The following CTNNA3 variants were observed in gnomAD, a reference collection of about 807,000 sequenced individuals.
The protein encoded by CTNNA3 is catenin alpha 3, also known as catenin alpha-3.
CTNNA3 carries 76 observed loss-of-function variants against 95.7 expected under a neutral mutation model. The observed-to-expected ratio is 0.79, with a 90% CI of 0.66 to 0.96. The LOEUF is 0.96. Ranked by LOEUF, CTNNA3 falls within the 40% of genes least tolerant of loss-of-function variation. The pLI, the probability that CTNNA3 is intolerant of heterozygous loss-of-function variation, is 0.00. For synonymous variants in CTNNA3, 431 were observed against 374.4 expected, an observed-to-expected ratio of 1.15 and a Z score of -1.74; for missense variants, 1,191 against 1,089.8, an observed-to-expected ratio of 1.09 and a Z score of -1.31.
intron 10 of CTNNA3, among the ~76,000 whole-genome samples, chr10:66,597,511 C>CATACAT (rs1564557885): frequency 1.4e-5 from 1 of 70,952 alleles, no homozygotes; most frequent in Non-Finnish European, 2.9e-5. Flanking sequence ...TTATTTCATA[C>CATACAT]ATATATATAT....
intron 5 of CTNNA3, among the ~76,000 whole-genome samples, chr10:67,234,126 C>A (rs995519187): frequency 2.0e-5 from 3 of 152,096 alleles, no homozygotes; most frequent in Admixed American, 6.5e-5. Context: ...CTATTCCAAT[C>A]AATAGAAAAA....
At chr10:66,917,158 G>A (rs577070487) in intron 7 of CTNNA3, among the ~76,000 whole-genome samples, 4 of 152,286 alleles carry the variant, frequency 2.6e-5, no homozygotes, top group African/African-American at 7.2e-5. Context: ...TCCCCAGCAC[G>A]AAGAACAGTG....
chr10:67,242,897 G>C (rs1374177384), intron 5 of CTNNA3, among the ~76,000 whole-genome samples: 1 of 152,174 alleles, frequency 6.6e-6, no homozygotes, highest in Non-Finnish European at 1.5e-5. Context: ...CCTCACTTCA[G>C]CTACAAAATG....
At chr10:67,704,206 G>T (rs1289430215) in intron 1 of CTNNA3, among the ~76,000 whole-genome samples, 1 of 152,130 alleles carries the variant, frequency 6.6e-6, no homozygotes, top group Non-Finnish European at 1.5e-5. Flanking sequence ...ACTGCCCAAG[G>T]TAATTTATAG....
intron 7 of CTNNA3, among the ~76,000 whole-genome samples, chr10:66,905,937 C>G (rs1052744398): frequency 7.9e-5 from 12 of 152,174 alleles, no homozygotes; most frequent in African/African-American, 2.9e-4. Context: ...GTTAATAATA[C>G]TGTTTTGTGC....
chr10:66,759,612 A>G (rs896033956), intron 9 of CTNNA3, among the ~76,000 whole-genome samples: 1 of 152,192 alleles, frequency 6.6e-6, no homozygotes, highest in Non-Finnish European at 1.5e-5. Flanking sequence ...CTTTAAAGAC[A>G]TATGTATTAA....
intron 14 of CTNNA3, 81 bp downstream of exon 14, chr10:66,103,076 G>A (rs534574169): frequency 1.8e-6 from 2 of 1,130,146 alleles, no homozygotes; most frequent in South Asian, 2.5e-5. Context: ...CCACCCATTA[G>A]AGGCTGCCTA....
intron 7 of CTNNA3, among the ~76,000 whole-genome samples, chr10:66,957,442 G>GCATATATATACACACA (rs1848877553): frequency 9.4e-6 from 1 of 106,306 alleles, no homozygotes; most frequent in Non-Finnish European, 2.0e-5. Flanking sequence ...ATATATATAT[G>GCATATATATACACACA]CATATATATA....
At chr10:66,042,583 G>T (rs1009857259) in intron 15 of CTNNA3, among the ~76,000 whole-genome samples, 6 of 151,906 alleles carry the variant, frequency 3.9e-5, no homozygotes, top group Non-Finnish European at 7.4e-5. Context: ...GTTGAATGGA[G>T]AAATAGAAGT....
chr10:66,466,609 T>G (rs1589290583), intron 11 of CTNNA3, among the ~76,000 whole-genome samples: 1 of 151,804 alleles, frequency 6.6e-6, no homozygotes, highest in East Asian at 1.9e-4. Context: ...TGTAACCCTC[T>G]CCTGTGGAAT....
chr10:67,197,468 A>C (rs892103541), intron 6 of CTNNA3, among the ~76,000 whole-genome samples: 1 of 151,956 alleles, frequency 6.6e-6, no homozygotes, highest in African/African-American at 2.4e-5. Flanking sequence ...AAAGTAGCTG[A>C]TATGGTGCAG....
At chr10:66,028,587 G>A (rs1477018400) in intron 15 of CTNNA3, among the ~76,000 whole-genome samples, 2 of 149,076 alleles carry the variant, frequency 1.3e-5, no homozygotes, top group African/African-American at 4.9e-5. Context: ...ACACACCAGG[G>A]CCTGTTGTGG....
intron 17 of CTNNA3, among the ~76,000 whole-genome samples, chr10:65,942,629 A>G (rs2077447493): frequency 6.6e-6 from 1 of 152,190 alleles, no homozygotes; most frequent in South Asian, 2.1e-4. Flanking sequence ...TTCTGACCTG[A>G]ACTTCTTGCA....
rs1228977390 is a variant in CTNNA3 at position 66,379,323 on chromosome 10, A to G, written c.1561T>C (p.Cys521Arg). ...ESHILEDVNK[C>R]IIALRDQDAD... is the part of the protein sequence containing the mutation. ...TCCTGGTCTCTTAAGGCTATGATAC[A>G]CTTGTTGACATCTTCCAAGATATGG... is the stretch of plus-strand genomic sequence containing the variant. Residue 521 changes from cysteine to arginine, a missense_variant, in exon 12 of 18, where the codon TGT (cysteine) becomes CGT (arginine). Transcript: ENST00000433211. 2.5e-6 allele frequency: 4 copies of G among 1,614,088 alleles called. No individual in the cohort carries two copies. Among genetic ancestry groups the G allele is most frequent in the Non-Finnish European group, 3.4e-6 (4 of 1,179,972 alleles).
At chr10:66,947,138 T>C (rs1848312028) in intron 7 of CTNNA3, among the ~76,000 whole-genome samples, 1 of 151,956 alleles carries the variant, frequency 6.6e-6, no homozygotes, top group Admixed American at 6.6e-5. Flanking sequence ...ATGATTGTAT[T>C]AGAAAAAACT....
chr10:66,503,659 G>T lies in CTNNA3; in HGVS notation c.1531+16958C>A, dbSNP rs544494525. ...AATTTTTGTGTTTTTAGTAGAGACGGGGTTTCACCATGTTGACCAGGCTGG... is the reference window on the plus strand; with the variant it reads ...AATTTTTGTGTTTTTAGTAGAGACGTGGTTTCACCATGTTGACCAGGCTGG... On this transcript the variant is annotated intron_variant, in intron 11 of 17. Transcript: ENST00000433211. Among the ~76,000 whole-genome samples the T allele has an allele frequency of 2.6e-5, 4 of 152,048 alleles. No homozygotes were observed. In the South Asian group the frequency reaches 6.2e-4, roughly 24 times the overall value.
rs990520510 is a variant in CTNNA3, at chr10:66,667,355, A to G, written c.1282-45571T>C. ...TGATTATTTGCAAATTTTATCTCCT[A>G]TCATCTTGATTGCTCATGCCAGTAA... is the stretch of plus-strand genomic sequence containing the variant. On this transcript the variant is annotated intron_variant, in intron 9 of 17. Coordinates refer to ENST00000433211, the MANE Select transcript of CTNNA3 (RefSeq NM_013266.4). 3.3e-5 allele frequency among the ~76,000 whole-genome samples: 5 copies of G among 152,124 alleles called. No individual in the cohort carries two copies. In the East Asian group the frequency reaches 7.7e-4, roughly 23 times the overall value.
chr10:67,048,210 G>T (rs1461709688), intron 7 of CTNNA3, among the ~76,000 whole-genome samples: 1 of 151,974 alleles, frequency 6.6e-6, no homozygotes, highest in East Asian at 1.9e-4. Flanking sequence ...GATTAACCTG[G>T]AAGACCCTAC....
chr10:65,939,029 A>AGTAGCTGGGACTACAGGTGCCCGCT (rs1488242467), intron 17 of CTNNA3, among the ~76,000 whole-genome samples: 36 of 152,068 alleles, frequency 2.4e-4, no homozygotes, highest in Non-Finnish European at 4.1e-4. Flanking sequence ...CAGCCTCCCA[A>AGTAGCTGGGACTACAGGTGCCCGCT]GTAGCTGGGA....
Sources: gnomAD v4.1 joint callset for allele counts (sites outside exome capture counted in the v4.1 genomes callset) on GRCh38, gnomAD v4.1.1 for gene constraint, MANE v1.5 for transcripts, NCBI Gene and HGNC (gene_info 2026-07-23, HGNC 2026-07-21) for gene names.